Variants in UBAC2 observed in about 807,000 individuals in gnomAD.
UBAC2 encodes ubiquitin-associated domain-containing protein 2.
In UBAC2, 26 loss-of-function variants were observed where a neutral mutation model predicts 44.0. The observed-to-expected ratio is 0.59, with a 90% CI of 0.43 to 0.82. UBAC2 has a LOEUF of 0.82. Ranked by LOEUF, UBAC2 falls within the 40% of genes least tolerant of loss-of-function variation. The pLI is 0.00. For synonymous variants in UBAC2, 155 were observed against 154.3 expected (o/e 1.00, Z -0.04); for missense variants, 329 against 419.4 (o/e 0.78, Z 1.88).
Position 99,296,965 on chromosome 13 carries a change from G to A in UBAC2, c.390-17132G>A, listed in dbSNP as rs147048609. 4.6e-5 allele frequency among the ~76,000 whole-genome samples: 7 copies of A among 152,162 alleles called. No individual in the cohort carries two copies. In the East Asian group the frequency reaches 1.3e-3, roughly 29 times the overall value. On this transcript the variant is annotated intron_variant, in intron 4 of 8. Transcript: ENST00000403766. ...TAGCAAGCATCACACTTTATATTTT[G>A]TTTCTTGCTTTATTCACCAAACATC... is the stretch of plus-strand genomic sequence containing the variant.
chr13:99,255,420 G>A, intron 4 of UBAC2: 1 of 1,614,016 alleles, frequency 6.2e-7, no homozygotes, highest in Non-Finnish European at 8.5e-7. Context: ...GGGTGGTCGT[G>A]GTCAGGGTCA....
At chr13:99,313,703 G>T (rs555406640) in intron 4 of UBAC2, among the ~76,000 whole-genome samples, 2 of 152,288 alleles carry the variant, frequency 1.3e-5, no homozygotes, top group African/African-American at 4.8e-5. Context: ...CATGGCGACA[G>T]ATCACTGGAC....
chr13:99,341,948 G>A (rs545275312), intron 7 of UBAC2, among the ~76,000 whole-genome samples: 21 of 152,202 alleles, frequency 1.4e-4, no homozygotes, highest in Non-Finnish European at 2.5e-4. Flanking sequence ...CAAAAGAGCA[G>A]ATTTGGGGGA....
At chr13:99,332,416 A>G (rs1025187199) in intron 6 of UBAC2, among the ~76,000 whole-genome samples, 1 of 152,190 alleles carries the variant, frequency 6.6e-6, no homozygotes, top group African/African-American at 2.4e-5. Flanking sequence ...GAACCGTGTA[A>G]TTGACGTCCA....
chr13:99,337,778 C>G lies in UBAC2; in HGVS notation c.562-2542C>G, dbSNP rs1440833377. ...TTGGTTCATGCCCTACACAGCTTTT[C>G]CCTTCTCTCTGTGGAGGGGAGAAAG... On this transcript the variant is annotated intron_variant, in intron 6 of 8. Transcript: ENST00000403766. Among the ~76,000 whole-genome samples the G allele has an allele frequency of 2.6e-5, 4 of 152,098 alleles. No homozygotes were observed. The East Asian group carries it at 7.7e-4, about 29-fold the overall frequency.
intron 4 of UBAC2, among the ~76,000 whole-genome samples, chr13:99,245,511 A>G (rs908696001): frequency 2.6e-5 from 4 of 152,218 alleles, no homozygotes; most frequent in Admixed American, 2.6e-4. Context: ...TGAAATAACT[A>G]GAATCTAGGA....
intron 7 of UBAC2, among the ~76,000 whole-genome samples, chr13:99,366,657 G>A (rs2045335263): frequency 2.0e-5 from 3 of 152,096 alleles, no homozygotes. Flanking sequence ...CGCTGAGGGT[G>A]CTGCCATTTG....
intron 1 of UBAC2, chr13:99,215,854 A>T (rs984709547): frequency 2.0e-6 from 1 of 504,642 alleles, no homozygotes; most frequent in East Asian, 3.0e-5. Context: ...CCGTGATTCA[A>T]ACTGCCCTTT....
intron 7 of UBAC2, among the ~76,000 whole-genome samples, chr13:99,365,132 A>AT (rs1323886507): frequency 2.0e-5 from 3 of 152,210 alleles, no homozygotes; most frequent in East Asian, 1.9e-4. Context: ...TATTCTTGTG[A>AT]TTTTTTAAAA....
rs532335774 is a variant in UBAC2, at chr13:99,235,653, C to G, written c.32-2774C>G. ...AGCCAAAAAAGGTGGCAAGAACATA[C>G]AATGGAGAAACGACAGTCCCTTCAA... On this transcript the variant is annotated intron_variant, in intron 1 of 8. Coordinates refer to ENST00000403766, the MANE Select transcript of UBAC2 (RefSeq NM_001144072.2). Among the ~76,000 whole-genome samples the G allele has an allele frequency of 2.0e-5, 3 of 152,288 alleles. No homozygotes were observed. In the South Asian group the frequency reaches 6.2e-4, roughly 32 times the overall value.
At position 99,281,472 on chromosome 13, in the gene UBAC2, C is replaced by G. The variant is rs547321456; in HGVS notation, c.390-32625C>G. 3.3e-5 allele frequency among the ~76,000 whole-genome samples: 5 copies of G among 152,240 alleles called. No individual in the cohort carries two copies. The South Asian group carries it at 1.0e-3, about 32-fold the overall frequency. ...TCCGGCATTGTACTTGGTACTATGTCACCTTGGTAGTCAGCAAGCACACGC... is the reference window on the plus strand; with the variant it reads ...TCCGGCATTGTACTTGGTACTATGTGACCTTGGTAGTCAGCAAGCACACGC... On this transcript the variant is annotated intron_variant, in intron 4 of 8. Transcript: ENST00000403766.
intron 4 of UBAC2, among the ~76,000 whole-genome samples, chr13:99,249,397 T>C (rs2043430194): frequency 6.6e-6 from 1 of 152,244 alleles, no homozygotes; most frequent in South Asian, 2.1e-4. Flanking sequence ...CTGCATAATA[T>C]TCCATGGTGT....
chr13:99,235,441 A>G (rs2043222220), intron 1 of UBAC2, among the ~76,000 whole-genome samples: 1 of 152,248 alleles, frequency 6.6e-6, no homozygotes. Flanking sequence ...CCTAAGATTT[A>G]TATGGAAACA....
At chr13:99,326,954 C>T (rs1411460948) in intron 6 of UBAC2, among the ~76,000 whole-genome samples, 2 of 152,166 alleles carry the variant, frequency 1.3e-5, no homozygotes, top group African/African-American at 2.4e-5. Context: ...AAAACACAAT[C>T]GACAACTTTT....
At chr13:99,363,648 C>T (rs2045294338) in intron 7 of UBAC2, among the ~76,000 whole-genome samples, 1 of 152,224 alleles carries the variant, frequency 6.6e-6, no homozygotes, top group African/African-American at 2.4e-5. Context: ...GCCCATATTC[C>T]CTTTCTGCTG....
intron 4 of UBAC2, among the ~76,000 whole-genome samples, chr13:99,290,728 C>CAAAA (rs35343898): frequency 2.1e-5 from 2 of 93,756 alleles, no homozygotes; most frequent in Non-Finnish European, 4.3e-5. Context: ...GTTTCACCAC[C>CAAAA]AAAAAAAAAA....
intron 7 of UBAC2, among the ~76,000 whole-genome samples, chr13:99,341,394 G>A (rs531859121): frequency 1.1e-5 from 1 of 93,386 alleles, no homozygotes; most frequent in Admixed American, 1.1e-4. Flanking sequence ...TCCCATTGGA[G>A]ATGCAGGTCC....
chr13:99,372,996 T>C (rs2045428813), intron 8 of UBAC2, among the ~76,000 whole-genome samples: 1 of 151,964 alleles, frequency 6.6e-6, no homozygotes, highest in Non-Finnish European at 1.5e-5. Flanking sequence ...GACGGGCGCC[T>C]GTAGTCCCAC....
intron 7 of UBAC2, chr13:99,351,656 C>T: frequency 4.4e-6 from 2 of 456,698 alleles, no homozygotes; most frequent in Non-Finnish European, 8.8e-6. Flanking sequence ...ACAACACAAA[C>T]TTGGGGATAA....
Sources: allele counts gnomAD v4.1 joint callset (sites outside exome capture counted in the v4.1 genomes callset), GRCh38; gene constraint gnomAD v4.1.1; transcripts MANE v1.5; gene names NCBI Gene and HGNC (gene_info 2026-07-23, HGNC 2026-07-21).